The following NCOR2 variants were observed in gnomAD, a reference collection of about 807,000 sequenced individuals.
NCOR2 encodes the protein CTG repeat protein 26.
A neutral mutation model predicts 262.9 loss-of-function variants in NCOR2; 81 were observed. The observed-to-expected ratio is 0.31, with a 90% CI of 0.26 to 0.37. The LOEUF is 0.37. Ranked by LOEUF, NCOR2 falls within the 10% of genes least tolerant of loss-of-function variation. NCOR2 has a pLI of 1.00. For synonymous variants in NCOR2, 1,659 were observed against 1,559.3 expected, an observed-to-expected ratio of 1.06 and a Z score of -1.51; for missense variants, 3,385 against 3,621.4, an observed-to-expected ratio of 0.93 and a Z score of 1.68.
In NCOR2 at chr12:124,337,185, G is replaced by A. The variant is rs2035959415; in HGVS notation, c.5688-5C>T. ...GGTGAGGAGGTGGAGGTGGACCTGG[G>A]GGAGGAGAGAAGGCGGTCAGGCAGT... is the stretch of plus-strand genomic sequence containing the variant. On this transcript the variant is annotated splice_polypyrimidine_tract_variant and splice_region_variant and intron_variant, in intron 37 of 46. Coordinates refer to ENST00000405201, the Ensembl canonical transcript of NCOR2. 1.3e-6 allele frequency: 2 copies of A among 1,544,976 alleles called. No homozygotes were observed. Among genetic ancestry groups the A allele is most frequent in the Non-Finnish European group, 1.8e-6 (2 of 1,142,704 alleles).
intron 27 of NCOR2, 67 bp downstream of exon 29, chr12:124,354,026 G>A (rs2037736273): frequency 7.2e-7 from 1 of 1,381,558 alleles, no homozygotes; most frequent in South Asian, 1.2e-5. Context: ...GACAATGAGG[G>A]GTTATAAGAT....
At position 124,389,583 on chromosome 12, in the gene NCOR2, G is replaced by A. The variant is rs1303151761; in HGVS notation, c.1877-3696C>T. Among the ~76,000 whole-genome samples, 1 of 151,952 alleles carries A rather than the reference G, an allele frequency of 6.6e-6. No homozygotes were observed. The highest frequency in any genetic ancestry group is 1.5e-5 in the Non-Finnish European group (1 of 67,968). ...CGCCGCCCGTCCCCCCACCCTCCGTGTCAGTTCCACCTGAGCTCTGCCCCC... is the reference window on the plus strand; with the variant it reads ...CGCCGCCCGTCCCCCCACCCTCCGTATCAGTTCCACCTGAGCTCTGCCCCC... On this transcript the variant is annotated intron_variant, in intron 16 of 46. Transcript: ENST00000405201. The surrounding 1 kb of genome is among the most constrained non-coding windows in gnomAD (Gnocchi z 4.4).
At chr12:124,436,319 C>T (rs1195717080) in intron 8 of NCOR2, among the ~76,000 whole-genome samples, 1 of 152,206 alleles carries the variant, frequency 6.6e-6, no homozygotes, top group Non-Finnish European at 1.5e-5. Flanking sequence ...GGAGCTGCCT[C>T]GCAGGCCCTG....
chr12:124,544,675 A>G (rs1287361465), intron 1 of NCOR2, among the ~76,000 whole-genome samples: 3 of 151,990 alleles, frequency 2.0e-5, no homozygotes, highest in Non-Finnish European at 4.4e-5. Context: ...CAGCCCCAGC[A>G]CCCGTGACCT....
In NCOR2 at chr12:124,474,284, C is replaced by T. The variant is rs116891475; in HGVS notation, c.412-1153G>A. Among the ~76,000 whole-genome samples, 769 of 152,326 alleles carry T rather than the reference C, an allele frequency of 5.0e-3. 3 individuals carry two copies. The highest frequency in any genetic ancestry group is 9.2e-3 in the Non-Finnish European group (628 of 68,024). ...CAAACACACGGAAAAGCCATCAGAACGGGCTACAGTTAAGCTAAAAGGAGT... is the reference window on the plus strand; with the variant it reads ...CAAACACACGGAAAAGCCATCAGAATGGGCTACAGTTAAGCTAAAAGGAGT... On this transcript the variant is annotated intron_variant, in intron 3 of 46. Coordinates refer to ENST00000405201, the Ensembl canonical transcript of NCOR2.
intron 12 of NCOR2, 78 bp from the exon 15 acceptor site, chr12:124,420,133 G>T: frequency 8.1e-7 from 1 of 1,228,764 alleles, no homozygotes; most frequent in Non-Finnish European, 1.2e-6. Context: ...TCACATCCTG[G>T]GCTCATATCC....
At chr12:124,426,563 G>C in intron 11 of NCOR2, 59 bp downstream of exon 13, 5 of 1,480,892 alleles carry the variant, frequency 3.4e-6, no homozygotes, top group Non-Finnish European at 4.5e-6. Flanking sequence ...AGACAGCGCA[G>C]GCCTCAACAG....
chr12:124,450,061 G>A (rs962824475), intron 6 of NCOR2, among the ~76,000 whole-genome samples, 194 bp from the exon 9 acceptor site: 7 of 152,148 alleles, frequency 4.6e-5, no homozygotes, highest in African/African-American at 1.7e-4. Context: ...CTGGTTCCTC[G>A]GGAACAGCTG....
rs11836070 is a variant in NCOR2 at position 124,418,591 on chromosome 12, C to T, written c.1482+1366G>A. On this transcript the variant is annotated intron_variant, in intron 13 of 46. Coordinates refer to ENST00000405201, the Ensembl canonical transcript of NCOR2. ...AACCAGCCTTGTGGGTGCAAAACAA[C>T]GGCTTTACCATTCTCTGGGGACACT... Among the ~76,000 whole-genome samples the T allele has an allele frequency of 7.0e-3, 1,063 of 152,332 alleles. 12 individuals carry two copies. The highest frequency in any genetic ancestry group is 0.024 in the African/African-American group (1,010 of 41,568).
intron 17 of NCOR2, chr12:124,383,633 C>T (rs776850843): frequency 6.9e-5 from 14 of 203,460 alleles, no homozygotes; most frequent in African/African-American, 1.6e-4. Context: ...AACTAGGGCA[C>T]GTCGCCCTCC....
chr12:124,348,662 G>C, intron 28 of NCOR2: 1 of 353,104 alleles, frequency 2.8e-6, no homozygotes, highest in Admixed American at 4.4e-5. Context: ...TGCCGACATG[G>C]GGCGTGAACA....
intron 13 of NCOR2, among the ~76,000 whole-genome samples, chr12:124,403,210 A>G (rs1266489178): frequency 1.3e-5 from 2 of 152,148 alleles, no homozygotes; most frequent in Non-Finnish European, 2.9e-5. Context: ...GATTCCCCAG[A>G]GCCCAGGAAG....
chr12:124,384,212 C>T (rs976335738), intron 17 of NCOR2, among the ~76,000 whole-genome samples: 1 of 152,252 alleles, frequency 6.6e-6, no homozygotes, highest in African/African-American at 2.4e-5. Context: ...CATCCCCCGG[C>T]CCAGGCCCCC....
intron 41 of NCOR2, among the ~76,000 whole-genome samples, chr12:124,333,953 CGTGTGT>C (rs59660036): frequency 8.9e-6 from 1 of 112,686 alleles, no homozygotes; most frequent in South Asian, 2.8e-4. Context: ...TGGGTGTGCA[CGTGTGT>C]GTGTGCGGGT....
In NCOR2 at chr12:124,503,326, G is replaced by A. The variant is rs1305730350; in HGVS notation, c.-117-7958C>T. Among the ~76,000 whole-genome samples, 2 of 152,260 alleles carry A rather than the reference G, an allele frequency of 1.3e-5. No individual in the cohort carries two copies. Among genetic ancestry groups the A allele is most frequent in the African/African-American group, 4.8e-5 (2 of 41,468 alleles). On this transcript the variant is annotated intron_variant, in intron 1 of 46. Transcript: ENST00000404621. This position sits in a 1 kb window ranked among gnomAD's most constrained non-coding sequence, Gnocchi z 4.3. The stretch of plus-strand genomic sequence containing the variant: ...AGACTCCCCACCCAGGTGCTCAGCA[G>A]GGGGTGGCTGGATGGAGGGAGAAGA...
At chr12:124,397,536 G>A (rs781676329) in intron 16 of NCOR2, among the ~76,000 whole-genome samples, 38 of 152,292 alleles carry the variant, frequency 2.5e-4, no homozygotes, top group African/African-American at 5.5e-4. Context: ...GCTCCCTGCC[G>A]TGTGAGCCAC....
intron 24 of NCOR2, 104 bp downstream of exon 26, chr12:124,355,328 A>T: frequency 7.1e-7 from 1 of 1,412,246 alleles, no homozygotes; most frequent in Non-Finnish European, 9.6e-7. Context: ...GAGATGACCC[A>T]GGCCCCCGAG....
chr12:124,370,078 G>T (rs569419910), intron 20 of NCOR2, among the ~76,000 whole-genome samples: 1 of 152,290 alleles, frequency 6.6e-6, no homozygotes, highest in African/African-American at 2.4e-5. Flanking sequence ...GCCAGCAGGA[G>T]CGGGGCGGGG....
At chr12:124,422,162 C>T (rs916991850) in intron 12 of NCOR2, among the ~76,000 whole-genome samples, 1 of 152,236 alleles carries the variant, frequency 6.6e-6, no homozygotes, top group African/African-American at 2.4e-5. Flanking sequence ...TTTGCAAGGA[C>T]GCTCCACGTG....
Sources: gnomAD v4.1 joint callset for allele counts (sites outside exome capture counted in the v4.1 genomes callset) on GRCh38, gnomAD v4.1.1 for gene constraint, Gnocchi (gnomAD v3.1) non-coding constraint, MANE v1.5 for transcripts, NCBI Gene and HGNC (gene_info 2026-07-23, HGNC 2026-07-21) for gene names.